Variants in SGPL1 observed in about 807,000 individuals in gnomAD.
SGPL1 encodes SP-lyase 1.
SGPL1 carries 37 observed loss-of-function variants against 68.9 expected under a neutral mutation model. The observed-to-expected ratio is 0.54, with a 90% CI of 0.41 to 0.71. The LOEUF is 0.71. Among genes scored for constraint, SGPL1 ranks in the 30% least tolerant of loss-of-function variants. SGPL1 has a pLI of 0.00. For missense variants in SGPL1, 551 were observed against 704.6 expected, an observed-to-expected ratio of 0.78 and a Z score of 2.47; for synonymous variants, 236 against 248.5, an observed-to-expected ratio of 0.95 and a Z score of 0.47.
chr10:70,838,050 A>G (rs1278770507), intron 2 of SGPL1, among the ~76,000 whole-genome samples: 1 of 152,166 alleles, frequency 6.6e-6, no homozygotes, highest in Non-Finnish European at 1.5e-5. Context: ...CCCACCTCTC[A>G]ACACTGTTAC....
intron 2 of SGPL1, among the ~76,000 whole-genome samples, chr10:70,839,378 T>C (rs1845680866): frequency 1.3e-5 from 2 of 152,098 alleles, no homozygotes; most frequent in African/African-American, 4.8e-5. Flanking sequence ...CTTTCCAATT[T>C]TATAACAGTG....
At position 70,829,349 on chromosome 10, in the gene SGPL1, A is replaced by G. The variant is rs150889617; in HGVS notation, c.27+12469A>G. 8.5e-5 allele frequency among the ~76,000 whole-genome samples: 13 copies of G among 152,336 alleles called. No homozygotes were observed. The East Asian group carries it at 1.9e-3, about 23-fold the overall frequency. On this transcript the variant is annotated intron_variant, in intron 2 of 14. Coordinates refer to ENST00000373202, the MANE Select transcript of SGPL1 (RefSeq NM_003901.4). ...TTTTATTACCACCGTCTGTAAGAAA[A>G]TACAACATAGGCATGGGAATCAAAC...
intron 8 of SGPL1, 81 bp from the exon 9 acceptor site, chr10:70,869,711 C>A: frequency 9.8e-7 from 1 of 1,016,352 alleles, no homozygotes; most frequent in Non-Finnish European, 1.5e-6. Context: ...AACTTACTCC[C>A]GGTAATTTAG....
In SGPL1 at chr10:70,875,396, T is replaced by C. The variant is rs780740697; in HGVS notation, c.1299-6T>C. 6.3e-7 allele frequency: 1 copy of C among 1,596,940 alleles called. No individual in the cohort carries two copies. The highest frequency in any genetic ancestry group is 8.6e-7 in the Non-Finnish European group (1 of 1,165,064). On this transcript the variant is annotated splice_region_variant and splice_polypyrimidine_tract_variant and intron_variant, in intron 12 of 14. Coordinates refer to ENST00000373202, the MANE Select transcript of SGPL1 (RefSeq NM_003901.4). ...TTTCTTCCTTCATTTATTTTTTTGT[T>C]TTAAGACTGGAAAATATCAAAGGCA...
intron 2 of SGPL1, among the ~76,000 whole-genome samples, chr10:70,827,024 GA>G (rs1845449122): frequency 6.6e-6 from 1 of 152,146 alleles, no homozygotes; most frequent in South Asian, 2.1e-4. Context: ...ACAAGTGCAA[GA>G]GTTTTTCTGG....
intron 2 of SGPL1, among the ~76,000 whole-genome samples, chr10:70,821,706 G>A (rs935187987): frequency 2.0e-5 from 3 of 152,196 alleles, no homozygotes; most frequent in African/African-American, 7.2e-5. Flanking sequence ...CAATAGTGGT[G>A]AGGTTGAGAA....
In SGPL1 at chr10:70,879,989, G is replaced by T. The variant is rs1409953013; in HGVS notation, c.*2654G>T. 1.3e-5 allele frequency: 2 copies of T among 152,506 alleles called. No homozygotes were observed. Among genetic ancestry groups the T allele is most frequent in the African/African-American group, 4.8e-5 (2 of 41,396 alleles). 9.4% of individuals were successfully genotyped at this position (152,506 alleles called of 1,614,324 possible). A position where few individuals can be genotyped will look rare whatever the true frequency, so the allele number is the denominator to read the frequency against. On this transcript the variant is annotated 3_prime_UTR_variant, in exon 15 of 15. Coordinates refer to ENST00000373202, the MANE Select transcript of SGPL1 (RefSeq NM_003901.4). ...ATTACGAGTTTTATACTTGGAAAAT[G>T]GTACTTGCTTCTTTTAAATCTCTGT...
intron 12 of SGPL1, 51 bp from the exon 13 acceptor site, chr10:70,875,351 G>T (rs1846367017): frequency 8.5e-7 from 1 of 1,181,658 alleles, no homozygotes; most frequent in Non-Finnish European, 1.3e-6. Flanking sequence ...CCAGGGGATT[G>T]TATGTGACTG....
intron 2 of SGPL1, among the ~76,000 whole-genome samples, chr10:70,831,655 G>A (rs533906394): frequency 6.6e-6 from 1 of 152,326 alleles, no homozygotes; most frequent in African/African-American, 2.4e-5. Context: ...CACCCTCCAG[G>A]AACCTCCATG....
At chr10:70,840,821 G>A (rs1362851514) in intron 2 of SGPL1, among the ~76,000 whole-genome samples, 1 of 152,048 alleles carries the variant, frequency 6.6e-6, no homozygotes, top group East Asian at 1.9e-4. Context: ...TTAATTTTAA[G>A]GCTTTTAAAA....
At position 70,851,061 on chromosome 10, in the gene SGPL1, G is replaced by T. The variant is rs540709927; in HGVS notation, c.194-82G>T. 3 of 1,057,134 alleles carry T rather than the reference G, an allele frequency of 2.8e-6. No individual in the cohort carries two copies. In the African/African-American group the frequency reaches 4.7e-5, roughly 17 times the overall value. The allele number at this position is 1,057,134 out of a possible 1,614,324, so 65.5% of individuals were successfully genotyped here. A position where few individuals can be genotyped will look rare whatever the true frequency, so the allele number is the denominator to read the frequency against. On this transcript the variant is annotated intron_variant, in intron 3 of 14. Transcript: ENST00000373202. ...TTGCAATTGGAAGGCAAGTGAGGTG[G>T]AAGACACATTGAATGGTTGCTATAT...
At chr10:70,824,940 TGTTG>T (rs1845404587) in intron 2 of SGPL1, among the ~76,000 whole-genome samples, 1 of 150,954 alleles carries the variant, frequency 6.6e-6, no homozygotes, top group African/African-American at 2.4e-5. Context: ...AAAATTTTCA[TGTTG>T]GTTATTCTGA....
intron 2 of SGPL1, among the ~76,000 whole-genome samples, chr10:70,818,510 C>T (rs1845280479): frequency 6.6e-6 from 1 of 152,212 alleles, no homozygotes; most frequent in Admixed American, 6.5e-5. Flanking sequence ...CTTTATCTCA[C>T]TATCCCAGAG....
chr10:70,872,542 C>T (rs1426957158), intron 11 of SGPL1, among the ~76,000 whole-genome samples: 3 of 152,240 alleles, frequency 2.0e-5, no homozygotes, highest in Non-Finnish European at 2.9e-5. Context: ...CAGTTGATAA[C>T]GCTATTGAAT....
At chr10:70,841,932 C>T (rs901576975) in intron 2 of SGPL1, among the ~76,000 whole-genome samples, 3 of 152,036 alleles carry the variant, frequency 2.0e-5, no homozygotes, top group African/African-American at 4.8e-5. Context: ...ACCAGTCTGT[C>T]GAACTTGAAC....
At chr10:70,834,013 T>A (rs969463721) in intron 2 of SGPL1, among the ~76,000 whole-genome samples, 1 of 152,210 alleles carries the variant, frequency 6.6e-6, no homozygotes. Context: ...GCCCTGACTT[T>A]TAACACTTCC....
chr10:70,862,900 C>A (rs879495815), intron 7 of SGPL1, among the ~76,000 whole-genome samples: 1 of 152,212 alleles, frequency 6.6e-6, no homozygotes, highest in Non-Finnish European at 1.5e-5. Context: ...CCACCAATTC[C>A]GGACACAGTA....
chr10:70,862,990 A>T (rs1846104308), intron 7 of SGPL1, among the ~76,000 whole-genome samples: 1 of 151,844 alleles, frequency 6.6e-6, no homozygotes, highest in Non-Finnish European at 1.5e-5. Flanking sequence ...CTTTTATTTT[A>T]TTATTATTTT....
rs569615515 is a variant in SGPL1, at chr10:70,816,383, C to G, written c.-44+257C>G. 2.0e-5 allele frequency among the ~76,000 whole-genome samples: 3 copies of G among 152,062 alleles called. No individual in the cohort carries two copies. The South Asian group carries it at 6.2e-4, about 32-fold the overall frequency. On this transcript the variant is annotated intron_variant, in intron 1 of 14. Coordinates refer to ENST00000373202, the MANE Select transcript of SGPL1 (RefSeq NM_003901.4). Reference sequence around the variant, plus strand: ...CTGCCGCGGGGTAGGCATGGGCGGCCAGGATTTGCTGGTCCTCCGACGGGA... The same window carrying G: ...CTGCCGCGGGGTAGGCATGGGCGGCGAGGATTTGCTGGTCCTCCGACGGGA...
Sources: allele counts gnomAD v4.1 joint callset (sites outside exome capture counted in the v4.1 genomes callset), GRCh38; gene constraint gnomAD v4.1.1; transcripts MANE v1.5; gene names NCBI Gene and HGNC (gene_info 2026-07-23, HGNC 2026-07-21).